ADAM17: variants seen among roughly 807,000 people sequenced by gnomAD.
ADAM17 encodes ADAM metallopeptidase domain 17.
A neutral mutation model predicts 96.7 loss-of-function variants in ADAM17; 39 were observed. The observed-to-expected ratio is 0.40, with a 90% confidence interval of 0.31 to 0.53. The LOEUF (loss-of-function observed/expected upper bound fraction) is 0.53. Ranked by LOEUF, ADAM17 falls within the 20% of genes least tolerant of loss-of-function variation. The pLI, the probability that ADAM17 is intolerant of heterozygous loss-of-function variation, is 0.44. For synonymous variants in ADAM17, 344 were observed against 359.2 expected (o/e 0.96, Z 0.48); for missense variants, 777 against 1,013.2 (o/e 0.77, Z 3.17).
At position 9,540,135 on chromosome 2, in the gene ADAM17, C is replaced by T. The variant is rs188434409; in HGVS notation, c.230+3018G>A. 5.4e-4 allele frequency among the ~76,000 whole-genome samples: 82 copies of T among 152,280 alleles called. 3 individuals are homozygous for T. The highest frequency in any genetic ancestry group is 3.4e-3 in the Middle Eastern group (1 of 294). On this transcript the variant is annotated intron_variant, in intron 2 of 18. Coordinates refer to ENST00000310823, the MANE Select transcript of ADAM17 (RefSeq NM_003183.6). ...TATGGAAGTTTTTGCCTCTAGAATA[C>T]GGATTCTACAGGCCACTTCAAATCC... is the stretch of plus-strand genomic sequence containing the variant.
rs750108089 is a variant in ADAM17 at position 9,543,217 on chromosome 2, T to C, written c.166A>G (p.Arg56Gly). The change falls in exon 2 of 19, where the codon AGA (arginine) becomes GGA (glycine). Residue 56 changes from arginine (R) to glycine (G), a missense_variant. Physicochemically the swap from Arg to Gly is moderately radical, Grantham distance 125 (BLOSUM62 -2). Around this residue, in one of 3 missense-constraint regions of ADAM17, gnomAD observed 134 missense variants for 129.1 expected, o/e 1.04. Transcript: ENST00000310823. ...GTTGAAGTCTGTAGATCTCTTTTTC[T>C]TACCGAATGCTGCTGGATATTAGAT... is the stretch of plus-strand genomic sequence containing the variant. Reference protein sequence around the residue: ...SLSNIQQHSVRKRDLQTSTHV... With the variant: ...SLSNIQQHSVGKRDLQTSTHV... 6.2e-7 allele frequency: 1 copy of C among 1,610,794 alleles called. No homozygotes were observed. Among genetic ancestry groups the C allele is most frequent in the South Asian group, 1.1e-5 (1 of 90,468 alleles).
At chr2:9,546,681 C>A (rs1665413712) in intron 1 of ADAM17, among the ~76,000 whole-genome samples, 1 of 151,476 alleles carries the variant, frequency 6.6e-6, no homozygotes, top group Non-Finnish European at 1.5e-5. Context: ...GACACTGCCG[C>A]ACTGTCTATC....
chr2:9,545,771 C>G (rs941214928), intron 1 of ADAM17, among the ~76,000 whole-genome samples: 5 of 152,136 alleles, frequency 3.3e-5, no homozygotes, highest in Admixed American at 2.6e-4. Context: ...AAATCTGCAA[C>G]TATTTTAAAT....
At position 9,550,162 on chromosome 2, in the gene ADAM17, G is replaced by A. The variant is rs144968679; in HGVS notation, c.97+5347C>T. Reference sequence around the variant, plus strand: ...GCGGGTTGTTGGGACTAAGGAATGAGAAAAAGGGAGCAGTGCTCTCTGCTA... The same window carrying A: ...GCGGGTTGTTGGGACTAAGGAATGAAAAAAAGGGAGCAGTGCTCTCTGCTA... On this transcript the variant is annotated intron_variant, in intron 1 of 18. Transcript: ENST00000310823. 2.2e-3 allele frequency among the ~76,000 whole-genome samples: 334 copies of A among 152,224 alleles called. 2 individuals carry two copies. The highest frequency in any genetic ancestry group is 7.5e-3 in the African/African-American group (312 of 41,542).
At chr2:9,517,851 T>C (rs747926073) in intron 10 of ADAM17, 50 bp downstream of exon 10, 2 of 1,264,368 alleles carry the variant, frequency 1.6e-6, no homozygotes, top group East Asian at 5.1e-5. Context: ...TAACTGAGGT[T>C]CTACTACAAT....
At chr2:9,527,744 G>A in intron 5 of ADAM17, 42 bp downstream of exon 5, 2 of 1,359,670 alleles carry the variant, frequency 1.5e-6, no homozygotes, top group Non-Finnish European at 2.0e-6. Flanking sequence ...GTCAATTGTA[G>A]TATGTTTGTT....
chr2:9,548,152 G>C (rs953860535), intron 1 of ADAM17, among the ~76,000 whole-genome samples: 1 of 151,994 alleles, frequency 6.6e-6, no homozygotes, highest in Non-Finnish European at 1.5e-5. Flanking sequence ...GGCCAACGTG[G>C]CAAAACCCTG....
At position 9,555,744 on chromosome 2, in the gene ADAM17, T is replaced by A. The variant is rs1572968328; in HGVS notation, c.-139A>T. The stretch of plus-strand genomic sequence containing the variant: ...CTCTTTTCCCTCCCGCGCCGCCTAC[T>A]GGGAAGATTCTACCGCCAGGCTCGA... On this transcript the variant is annotated 5_prime_UTR_variant, in exon 1 of 19. Coordinates refer to ENST00000310823, the MANE Select transcript of ADAM17 (RefSeq NM_003183.6). The A allele has an allele frequency of 1.5e-6, 1 of 667,738 alleles. No individual in the cohort carries two copies. Among genetic ancestry groups the A allele is most frequent in the East Asian group, 3.3e-5 (1 of 30,548 alleles). 41.4% of individuals were successfully genotyped at this position (667,738 alleles called of 1,614,324 possible). A position where few individuals can be genotyped will look rare whatever the true frequency, so the allele number is the denominator to read the frequency against.
chr2:9,506,962 A>G (rs1056204), intron 11 of ADAM17: 2 of 151,890 alleles, frequency 1.3e-5, no homozygotes, highest in Admixed American at 6.6e-5. Context: ...CATCCTTGTC[A>G]TAAGACTTCC....
chr2:9,497,202 A>G lies in ADAM17; in HGVS notation c.1695T>C (p.Thr565=), dbSNP rs56237316. The G allele has an allele frequency of 0.014, 22,862 of 1,614,228 alleles. 218 individuals carry two copies. The highest frequency in any genetic ancestry group is 0.016 in the South Asian group (1,449 of 91,084). The stretch of plus-strand genomic sequence containing the variant: ...TACACTTGCCAAGATCCAAGCAAAC[A>G]GTGTCATCTTCAGCATTTCCTGGAG... ...CPPPGNAEDD[T]VCLDLGKCKD... The change falls in exon 14 of 19, where the codon ACT becomes ACC. Residue 565 remains threonine (T), a synonymous_variant. Transcript: ENST00000310823.
intron 1 of ADAM17, among the ~76,000 whole-genome samples, chr2:9,545,004 T>C (rs762178312): frequency 2.6e-5 from 4 of 152,200 alleles, no homozygotes; most frequent in Non-Finnish European, 4.4e-5. Context: ...TACAGGTTGG[T>C]ACATGAACTC....
intron 1 of ADAM17, among the ~76,000 whole-genome samples, chr2:9,551,473 A>C (rs969318988): frequency 6.6e-6 from 1 of 152,126 alleles, no homozygotes; most frequent in Non-Finnish European, 1.5e-5. Context: ...TTATTCACTT[A>C]CTTTGAGATG....
At chr2:9,493,138 C>T (rs1444532675) in intron 16 of ADAM17, 152 bp from the exon 17 acceptor site, 1 of 613,292 alleles carries the variant, frequency 1.6e-6, no homozygotes, top group Non-Finnish European at 2.8e-6. Context: ...TGTATTACAC[C>T]ACACCATCTC....
intron 6 of ADAM17, among the ~76,000 whole-genome samples, chr2:9,524,684 C>A (rs933580612): frequency 1.3e-5 from 2 of 152,166 alleles, no homozygotes; most frequent in African/African-American, 4.8e-5. Flanking sequence ...CCTATTCCCC[C>A]ACTCTCACCC....
At chr2:9,546,715 CTTT>C (rs59009659) in intron 1 of ADAM17, among the ~76,000 whole-genome samples, 1 of 137,824 alleles carries the variant, frequency 7.3e-6, no homozygotes, top group Non-Finnish European at 1.5e-5. Flanking sequence ...TGGCCATATT[CTTT>C]TTTTTTTTTT....
At chr2:9,552,929 A>G (rs990356472) in intron 1 of ADAM17, among the ~76,000 whole-genome samples, 1 of 152,240 alleles carries the variant, frequency 6.6e-6, no homozygotes, top group Non-Finnish European at 1.5e-5. Flanking sequence ...ACTGCAATAT[A>G]GTAGTATTTG....
intron 6 of ADAM17, among the ~76,000 whole-genome samples, chr2:9,525,393 AT>A (rs919221272): frequency 6.6e-6 from 1 of 152,098 alleles, no homozygotes; most frequent in African/African-American, 2.4e-5. Context: ...AAGCAAGGCA[AT>A]GAGAAAGACA....
chr2:9,539,236 T>C (rs1424525928), intron 2 of ADAM17, among the ~76,000 whole-genome samples: 1 of 151,738 alleles, frequency 6.6e-6, no homozygotes, highest in Non-Finnish European at 1.5e-5. Flanking sequence ...GCCTCCCAAA[T>C]AGCTGGGACT....
chr2:9,548,268 G>T (rs1352559088), intron 1 of ADAM17, among the ~76,000 whole-genome samples: 2 of 152,014 alleles, frequency 1.3e-5, no homozygotes, highest in Admixed American at 6.6e-5. Flanking sequence ...GGAGGCAAAG[G>T]TGGCAGTGAG....
Sources: gnomAD v4.1 joint callset for allele counts (sites outside exome capture counted in the v4.1 genomes callset) on GRCh38, gnomAD v4.1.1 for gene constraint, gnomAD v4.1.1 regional missense constraint, MANE v1.5 for transcripts, NCBI Gene and HGNC (gene_info 2026-07-23, HGNC 2026-07-21) for gene names.